BIRC3: variants seen among roughly 807,000 people sequenced by gnomAD.
BIRC3 encodes baculoviral IAP repeat containing 3.
A neutral mutation model predicts 59.0 loss-of-function variants in BIRC3; 26 were observed. The ratio of observed to expected loss-of-function variants is 0.44; its 90% CI spans 0.32 to 0.61. The LOEUF (loss-of-function observed/expected upper bound fraction) is 0.61, where lower values mean the gene tolerates loss of function less well. Ranked by LOEUF, BIRC3 falls within the 20% of genes least tolerant of loss-of-function variation. The probability of loss-of-function intolerance (pLI) is 0.04; values close to 1 mark genes in which losing one functional copy is unlikely to be tolerated. For synonymous variants in BIRC3, 243 were observed against 249.2 expected (o/e 0.98, Z 0.24); for missense variants, 641 against 711.5 (o/e 0.90, Z 1.13).
In BIRC3 at chr11:102,323,082, T is replaced by C; in HGVS notation, c.-1428T>C. On this transcript the variant is annotated 5_prime_UTR_variant, in exon 2 of 9. Transcript: ENST00000263464. ...TGACTGTTTTAAAAAATAAATCCACTATCAGAGTAGATTTGATGTTGGCTT... is the reference window on the plus strand; with the variant it reads ...TGACTGTTTTAAAAAATAAATCCACCATCAGAGTAGATTTGATGTTGGCTT... 1 of 197,982 alleles carries C rather than the reference T, an allele frequency of 5.1e-6. No homozygotes were observed. Among genetic ancestry groups the C allele is most frequent in the African/African-American group, 2.3e-5 (1 of 43,494 alleles). 12.3% of individuals were successfully genotyped at this position (197,982 alleles called of 1,614,324 possible). A position where few individuals can be genotyped will look rare whatever the true frequency, so the allele number is the denominator to read the frequency against.
chr11:102,335,937 T>C (rs376657068), intron 6 of BIRC3, 29 bp from the exon 7 acceptor site: 2 of 1,588,602 alleles, frequency 1.3e-6, no homozygotes, highest in Non-Finnish European at 1.7e-6. Flanking sequence ...AGTTTGAACA[T>C]GTTTATGCTT....
chr11:102,328,973 A>G, intron 5 of BIRC3, 28 bp downstream of exon 5: 1 of 1,289,024 alleles, frequency 7.8e-7, no homozygotes, highest in Non-Finnish European at 1.1e-6. Flanking sequence ...TAATGAATGC[A>G]TTTAAATAGA....
intron 6 of BIRC3, 35 bp from the exon 7 acceptor site, chr11:102,335,931 T>C: frequency 1.9e-6 from 3 of 1,576,822 alleles, no homozygotes. Flanking sequence ...GAGCAGAGTT[T>C]GAACATGTTT....
intron 5 of BIRC3, among the ~76,000 whole-genome samples, chr11:102,329,327 A>G (rs1301298597): frequency 6.6e-6 from 1 of 152,220 alleles, no homozygotes; most frequent in African/African-American, 2.4e-5. Context: ...AAAGAATAGA[A>G]CACGTTAGTC....
chr11:102,318,573 G>A (rs955757635), intron 1 of BIRC3, among the ~76,000 whole-genome samples: 2 of 152,188 alleles, frequency 1.3e-5, no homozygotes, highest in African/African-American at 2.4e-5. Context: ...ACTGTCTAGC[G>A]GGAGGCAGAA....
In BIRC3 at chr11:102,331,081, G is replaced by A. The variant is rs755173347; in HGVS notation, c.1164G>A (p.Met388Ile). The A allele has an allele frequency of 1.2e-6, 2 of 1,613,698 alleles. No homozygotes were observed. Among genetic ancestry groups the A allele is most frequent in the East Asian group, 4.5e-5 (2 of 44,812 alleles). ...CTGTGATTAATGCTGCCGTGGAAATGGGCTTTAGTAGAAGCCTGGTAAAAC... is the reference window on the plus strand; with the variant it reads ...CTGTGATTAATGCTGCCGTGGAAATAGGCTTTAGTAGAAGCCTGGTAAAAC... Reference protein sequence around the residue: ...NTPVINAAVEMGFSRSLVKQT... With the variant: ...NTPVINAAVEIGFSRSLVKQT... Residue 388 changes from methionine (M) to isoleucine (I), a missense_variant, in exon 6 of 9, where the codon ATG becomes ATA. This residue lies in a region of BIRC3 where 268 missense variants were observed against 255.7 expected (regional missense o/e 1.05). Transcript: ENST00000263464.
At chr11:102,326,761 G>A (rs1257492075) in intron 3 of BIRC3, 1 of 454,892 alleles carries the variant, frequency 2.2e-6, no homozygotes, top group East Asian at 6.9e-5. Flanking sequence ...AGATTGGAGT[G>A]CGATGGTGTG....
rs371507673 is a variant in BIRC3 at position 102,324,208 on chromosome 11, T to C, written c.-302T>C. ...GCCATTAAATGGCATCCTGATGGCTTAATACACATCACTCTTCTGTGAAGG... is the reference window on the plus strand; with the variant it reads ...GCCATTAAATGGCATCCTGATGGCTCAATACACATCACTCTTCTGTGAAGG... On this transcript the variant is annotated 5_prime_UTR_variant, in exon 2 of 9. The change abolishes the stop of an existing upstream ORF in the 5' untranslated region. Transcript: ENST00000263464. 81 of 275,432 alleles carry C rather than the reference T, an allele frequency of 2.9e-4. No homozygotes were observed. Among genetic ancestry groups the C allele is most frequent in the South Asian group, 2.6e-3 (27 of 10,588 alleles). 17.1% of individuals were successfully genotyped at this position (275,432 alleles called of 1,614,324 possible).
intron 3 of BIRC3, among the ~76,000 whole-genome samples, chr11:102,327,409 G>A (rs1322221327): frequency 1.3e-5 from 2 of 152,146 alleles, no homozygotes; most frequent in Non-Finnish European, 2.9e-5. Flanking sequence ...GGGAGGCTGA[G>A]GCAGGAGGAT....
intron 3 of BIRC3, among the ~76,000 whole-genome samples, chr11:102,326,051 T>A (rs1951077258): frequency 6.6e-6 from 1 of 152,192 alleles, no homozygotes; most frequent in South Asian, 2.1e-4. Flanking sequence ...GTTTTTTCAG[T>A]CAACATTTGT....
chr11:102,319,020 G>A (rs890613253), intron 1 of BIRC3, among the ~76,000 whole-genome samples: 4 of 151,788 alleles, frequency 2.6e-5, no homozygotes, highest in African/African-American at 9.7e-5. Flanking sequence ...AGTTGCTAGA[G>A]TGGAAAGTGT....
Position 102,336,142 on chromosome 11 carries a change from G to A in BIRC3, c.1501G>A (p.Val501Ile). The A allele has an allele frequency of 6.2e-7, 1 of 1,613,860 alleles. No homozygotes were observed. Among genetic ancestry groups the A allele is most frequent in the Non-Finnish European group, 8.5e-7 (1 of 1,179,898 alleles). ...AAGAGAACTGATTGATACGATTTTAGTAAAAGGAAATATTGCAGCCACTGT... is the reference window on the plus strand; with the variant it reads ...AAGAGAACTGATTGATACGATTTTAATAAAAGGAAATATTGCAGCCACTGT... ...QARELIDTIL[V>I]KGNIAATVFR... Residue 501 changes from valine (V) to isoleucine (I), a missense_variant, in exon 7 of 9, where the codon GTA becomes ATA. Around this residue, in one of 4 missense-constraint regions of BIRC3, gnomAD observed 268 missense variants for 255.7 expected, o/e 1.05. Coordinates refer to ENST00000263464, the MANE Select transcript of BIRC3 (RefSeq NM_001165.5).
At chr11:102,333,581 AAAAG>A (rs1565324764) in intron 6 of BIRC3, among the ~76,000 whole-genome samples, 1 of 151,640 alleles carries the variant, frequency 6.6e-6, no homozygotes, top group South Asian at 2.1e-4. Flanking sequence ...AGAAAAAAAA[AAAAG>A]AAAGAAAGAA....
At chr11:102,327,438 C>G (rs1324508724) in intron 3 of BIRC3, among the ~76,000 whole-genome samples, 1 of 151,892 alleles carries the variant, frequency 6.6e-6, no homozygotes, top group East Asian at 1.9e-4. Flanking sequence ...GTCAGGAGTT[C>G]GAGACCAGTA....
chr11:102,334,300 C>G (rs1165553421), intron 6 of BIRC3, among the ~76,000 whole-genome samples: 1 of 152,160 alleles, frequency 6.6e-6, no homozygotes, highest in Admixed American at 6.5e-5. Context: ...AATTATAGAA[C>G]TAAGGTTTGA....
In BIRC3 at chr11:102,323,326, T is replaced by G. The variant is rs1951049557; in HGVS notation, c.-1184T>G. 5.2e-6 allele frequency: 1 copy of G among 193,426 alleles called. No individual in the cohort carries two copies. Among genetic ancestry groups the G allele is most frequent in the African/African-American group, 2.3e-5 (1 of 43,168 alleles). The allele number at this position is 193,426 out of a possible 1,614,324, so 12.0% of individuals were successfully genotyped here. ...TCCAAAAGTAACCTGAATATAGCAATGAAGTTCAGTTTTGTTATTGGTAGT... is the reference window on the plus strand; with the variant it reads ...TCCAAAAGTAACCTGAATATAGCAAGGAAGTTCAGTTTTGTTATTGGTAGT... On this transcript the variant is annotated 5_prime_UTR_variant, in exon 2 of 9. An upstream start codon of the reference 5' UTR is lost. Transcript: ENST00000263464.
Position 102,337,218 on chromosome 11 carries a change from C to T in BIRC3, c.*116C>T, listed in dbSNP as rs1672189885. Reference sequence around the variant, plus strand: ...TTTTATTTATTTACAACTCAAAAAACATTGTTTTGTGTAACATATTTATAT... The same window carrying T: ...TTTTATTTATTTACAACTCAAAAAATATTGTTTTGTGTAACATATTTATAT... On this transcript the variant is annotated 3_prime_UTR_variant, in exon 9 of 9. Coordinates refer to ENST00000263464, the MANE Select transcript of BIRC3 (RefSeq NM_001165.5). 1.3e-6 allele frequency: 1 copy of T among 746,338 alleles called. No homozygotes were observed. Among genetic ancestry groups the T allele is most frequent in the South Asian group, 3.5e-5 (1 of 28,308 alleles). The allele number at this position is 746,338 out of a possible 1,614,324, so 46.2% of individuals were successfully genotyped here.
In BIRC3 at chr11:102,328,880, A is replaced by ATT. The variant is rs762000514; in HGVS notation, c.1033-8_1033-7dup. On this transcript the variant is annotated splice_polypyrimidine_tract_variant and intron_variant, in intron 4 of 8. Transcript: ENST00000263464. ...AATTTATATATATATATATATATAT[A>ATT]TTTTTTTTTTCTGCAGCTGCTATCC... 0.014 allele frequency: 5,806 copies of ATT among 424,574 alleles called. 659 individuals are homozygous for ATT. Among genetic ancestry groups the ATT allele is most frequent in the South Asian group, 0.032 (374 of 11,540 alleles). 26.3% of individuals were successfully genotyped at this position (424,574 alleles called of 1,614,324 possible).
chr11:102,338,485 C>T lies in BIRC3; in HGVS notation c.*1383C>T, dbSNP rs1951221419. ...TGAAGATCCAAAATTACAGGGGAAACTGTGCATTTTTATGCTTAGGTTTGA... is the reference window on the plus strand; with the variant it reads ...TGAAGATCCAAAATTACAGGGGAAATTGTGCATTTTTATGCTTAGGTTTGA... On this transcript the variant is annotated 3_prime_UTR_variant, in exon 9 of 9. Coordinates refer to ENST00000263464, the MANE Select transcript of BIRC3 (RefSeq NM_001165.5). 1 of 229,324 alleles carries T rather than the reference C, an allele frequency of 4.4e-6. No individual in the cohort carries two copies. Among genetic ancestry groups the T allele is most frequent in the Non-Finnish European group, 8.6e-6 (1 of 115,620 alleles). 14.2% of individuals were successfully genotyped at this position (229,324 alleles called of 1,614,324 possible). A position where few individuals can be genotyped will look rare whatever the true frequency, so the allele number is the denominator to read the frequency against.
Sources: gnomAD v4.1 joint callset for allele counts (sites outside exome capture counted in the v4.1 genomes callset) on GRCh38, gnomAD v4.1.1 for gene constraint, gnomAD v4.1.1 regional missense constraint, MANE v1.5 for transcripts, NCBI Gene and HGNC (gene_info 2026-07-23, HGNC 2026-07-21) for gene names.